ATP2B3: variants seen among roughly 807,000 people sequenced by gnomAD.
The protein encoded by ATP2B3 is ATPase plasma membrane Ca2+ transporting 3, also known as plasma membrane calcium-transporting ATPase 3.
A neutral mutation model predicts 70.8 loss-of-function variants in ATP2B3; 12 were observed. That is an observed-to-expected ratio of 0.17 (90% confidence interval 0.11 to 0.27). The LOEUF (loss-of-function observed/expected upper bound fraction) is 0.27, where lower values mean the gene tolerates loss of function less well. Among genes scored for constraint, ATP2B3 ranks in the 10% least tolerant of loss-of-function variants. The pLI, the probability that ATP2B3 is intolerant of heterozygous loss-of-function variation, is 1.00. For synonymous variants in ATP2B3, 460 were observed against 497.8 expected, an observed-to-expected ratio of 0.92 and a Z score of 1.01; for missense variants, 858 against 1,118.5, an observed-to-expected ratio of 0.77 and a Z score of 3.32.
At chrX:153,530,290 A>G (rs782366982) in intron 2 of ATP2B3, among the ~76,000 whole-genome samples, 1 of 112,148 alleles carries the variant, frequency 8.9e-6, no homozygotes, top group African/African-American at 3.2e-5. Context: ...CCCGCTTCTG[A>G]ATGGGAAGCT....
intron 2 of ATP2B3, among the ~76,000 whole-genome samples, chrX:153,523,901 G>A (rs184420785): frequency 1.8e-5 from 2 of 109,905 alleles, no homozygotes; most frequent in African/African-American, 6.6e-5. Context: ...TTACCATGTT[G>A]GCCAGGCTGG....
intron 21 of ATP2B3, among the ~76,000 whole-genome samples, chrX:153,567,447 GT>G (rs2090724545): frequency 8.8e-6 from 1 of 113,014 alleles, no homozygotes. Context: ...CAAGCCTGGG[GT>G]GGGGGGTGAG....
chrX:153,553,219 G>A lies in ATP2B3; in HGVS notation c.2008G>A (p.Asp670Asn). ...GGACAACGAGAATGAGGTCGTGGGT[G>A]ACCTCACCTGCATAGCTGTCGTGGG... The part of the protein sequence containing the change: ...DWDNENEVVG[D>N]LTCIAVVGIE... The change falls in exon 13 of 22, where the codon GAC becomes AAC. Residue 670 changes from aspartate to asparagine, a missense_variant. This residue lies in a region of ATP2B3 where 242 missense variants were observed against 281.3 expected (regional missense o/e 0.86). Transcript: ENST00000263519. 8.3e-7 allele frequency: 1 copy of A among 1,211,319 alleles called. No individual in the cohort carries two copies. The highest frequency in any genetic ancestry group is 3.0e-5 in the East Asian group (1 of 33,830).
Position 153,566,038 on chromosome X carries a change from G to C in ATP2B3, c.3342+935G>C, listed in dbSNP as rs911122421. Among the ~76,000 whole-genome samples, 4 of 112,426 alleles carry C rather than the reference G, an allele frequency of 3.6e-5. No homozygotes were observed. The South Asian group carries it at 1.5e-3, about 41-fold the overall frequency. ...GCTGAAAATCCTGGCCGGGGAGGAA[G>C]AAAGGGCCCATGGGGACCCCACCTG... On this transcript the variant is annotated intron_variant, in intron 21 of 21. Coordinates refer to ENST00000263519, the MANE Select transcript of ATP2B3 (RefSeq NM_001001344.3).
chrX:153,527,388 G>A (rs57029854), intron 2 of ATP2B3, among the ~76,000 whole-genome samples: 4 of 113,302 alleles, frequency 3.5e-5, no homozygotes, highest in African/African-American at 1.3e-4. Context: ...GGGCAGGCCC[G>A]GGCTGGCAGG....
rs782791192 is a variant in ATP2B3, at chrX:153,556,963, G to A, written c.2373G>A (p.Val791=). ...GTGAGCAGCGGCAGGTGGTGGCTGT[G>A]ACAGGGGATGGCACCAACGATGGGC... ...TTGEQRQVVA[V]TGDGTNDGPA... is the part of the protein sequence containing the mutation. The change falls in exon 16 of 22, where the codon GTG becomes GTA. Residue 791 remains valine, a synonymous_variant. Transcript: ENST00000263519. 1 of 1,196,870 alleles carries A rather than the reference G, an allele frequency of 8.4e-7. No individual in the cohort carries two copies. Among genetic ancestry groups the A allele is most frequent in the Admixed American group, 2.3e-5 (1 of 44,398 alleles).
chrX:153,559,800 G>A lies in ATP2B3; in HGVS notation c.2697G>A (p.Leu899=). The A allele has an allele frequency of 8.3e-7, 1 of 1,211,924 alleles. No individual in the cohort carries two copies. ...LIMDTFASLA[L]ATEPPTESLL... is the part of the protein sequence containing the mutation. ...TGGACACATTTGCCTCTCTGGCCCT[G>A]GCGACGGAGCCACCCACAGAGTCGC... is the stretch of plus-strand genomic sequence containing the variant. Residue 899 remains leucine (L), a synonymous_variant, in exon 18 of 22, where the codon CTG becomes CTA. Transcript: ENST00000263519.
In ATP2B3 at chrX:153,541,659, C is replaced by T; in HGVS notation, c.407-10C>T. ...TCTCCTCCACTGCTTCCCTTCTGTC[C>T]TCCGCACAGCCTGTGGGAATGTGTC... On this transcript the variant is annotated splice_polypyrimidine_tract_variant and intron_variant, in intron 4 of 21. Coordinates refer to ENST00000263519, the MANE Select transcript of ATP2B3 (RefSeq NM_001001344.3). 8.3e-7 allele frequency: 1 copy of T among 1,209,819 alleles called. No homozygotes were observed. Among genetic ancestry groups the T allele is most frequent in the Non-Finnish European group, 1.1e-6 (1 of 894,211 alleles).
chrX:153,571,161 C>T (rs1557019843), intron 21 of ATP2B3, among the ~76,000 whole-genome samples: 1 of 112,367 alleles, frequency 8.9e-6, no homozygotes. Flanking sequence ...GCAGTCGGCG[C>T]CTCCAGTGCC....
At chrX:153,561,853 G>A (rs782446502) in intron 19 of ATP2B3, among the ~76,000 whole-genome samples, 4 of 112,964 alleles carry the variant, frequency 3.5e-5, no homozygotes, top group South Asian at 3.6e-4. Flanking sequence ...CAGCGTGCCC[G>A]CAGGGTGGGT....
At chrX:153,527,121 G>A (rs1374194224) in intron 2 of ATP2B3, among the ~76,000 whole-genome samples, 12 of 112,664 alleles carry the variant, frequency 1.1e-4, no homozygotes, top group African/African-American at 2.3e-4. Context: ...GACGGCTTCC[G>A]GTCCTCAGAG....
intron 2 of ATP2B3, among the ~76,000 whole-genome samples, chrX:153,527,568 C>A (rs2090053245): frequency 8.9e-6 from 1 of 112,903 alleles, no homozygotes. Context: ...TGACTGTCCC[C>A]CAACCCTCAG....
At chrX:153,565,623 C>T (rs2090694915) in intron 21 of ATP2B3, among the ~76,000 whole-genome samples, 3 of 112,576 alleles carry the variant, frequency 2.7e-5, no homozygotes, top group Non-Finnish European at 5.6e-5. Context: ...GGGTTAGGGC[C>T]GGCCAAGACC....
intron 2 of ATP2B3, among the ~76,000 whole-genome samples, chrX:153,534,320 G>A (rs782471360): frequency 6.2e-5 from 7 of 112,291 alleles, no homozygotes; most frequent in South Asian, 3.7e-4. Flanking sequence ...CCCCAAGCCA[G>A]CCTCAGTTTC....
In ATP2B3 at chrX:153,549,556, C is replaced by T. The variant is rs145661591; in HGVS notation, c.1398C>T (p.Asn466=). The part of the protein sequence containing the change: ...RHLDACETMG[N]ATAICSDKTG... ...TGGATGCCTGCGAGACCATGGGCAACGCCACAGCCATCTGCTCCGACAAGA... is the reference window on the plus strand; with the variant it reads ...TGGATGCCTGCGAGACCATGGGCAATGCCACAGCCATCTGCTCCGACAAGA... The change falls in exon 11 of 22, where the codon AAC becomes AAT. Residue 466 remains asparagine, a synonymous_variant. Coordinates refer to ENST00000263519, the MANE Select transcript of ATP2B3 (RefSeq NM_001001344.3). The T allele has an allele frequency of 6.1e-5, 74 of 1,211,090 alleles. No individual in the cohort carries two copies. In the African/African-American group the frequency reaches 7.1e-4, roughly 12 times the overall value.
At chrX:153,524,762 G>A (rs1387273533) in intron 2 of ATP2B3, among the ~76,000 whole-genome samples, 1 of 111,240 alleles carries the variant, frequency 9.0e-6, no homozygotes. Flanking sequence ...CTTGTACCTG[G>A]TATCATTTAA....
At chrX:153,547,727 C>T in intron 8 of ATP2B3, 108 bp from the exon 9 acceptor site, 3 of 942,812 alleles carry the variant, frequency 3.2e-6, no homozygotes, top group Non-Finnish European at 4.2e-6. Flanking sequence ...TCCACTGAAT[C>T]CCGTCTCCTC....
At chrX:153,572,252 C>T (rs966394177) in intron 21 of ATP2B3, among the ~76,000 whole-genome samples, 4 of 112,816 alleles carry the variant, frequency 3.5e-5, no homozygotes, top group Non-Finnish European at 5.6e-5. Flanking sequence ...CCCAACTAGG[C>T]CTGCAGGGGC....
chrX:153,556,307 C>T (rs1557013515), intron 14 of ATP2B3, 24 bp from the exon 15 acceptor site: 9 of 1,203,088 alleles, frequency 7.5e-6, no homozygotes, highest in African/African-American at 5.3e-5. Context: ...AGCTCTGCAG[C>T]GTCCTTGTGC....
Sources: gnomAD v4.1 joint callset for allele counts (sites outside exome capture counted in the v4.1 genomes callset) on GRCh38, gnomAD v4.1.1 for gene constraint, gnomAD v4.1.1 regional missense constraint, MANE v1.5 for transcripts, NCBI Gene and HGNC (gene_info 2026-07-23, HGNC 2026-07-21) for gene names.